FAM222B: variants seen among roughly 807,000 people sequenced by gnomAD.
FAM222B encodes protein FAM222B.
Under a neutral mutation model 38.0 loss-of-function variants are expected in FAM222B, and 12 were observed. The observed-to-expected ratio is 0.32, with a 90% confidence interval of 0.20 to 0.51. The LOEUF is 0.51. FAM222B is among the 20% of genes least tolerant of loss of function. The probability of loss-of-function intolerance (pLI) is 0.97; values close to 1 mark genes in which losing one functional copy is unlikely to be tolerated. For missense variants in FAM222B, 716 were observed against 754.2 expected (o/e 0.95, Z 0.59); for synonymous variants, 329 against 317.2 (o/e 1.04, Z -0.40).
chr17:28,805,527 T>C (rs1398691166), intron 1 of FAM222B, among the ~76,000 whole-genome samples: 1 of 151,022 alleles, frequency 6.6e-6, no homozygotes, highest in Non-Finnish European at 1.5e-5. Flanking sequence ...AGAGCAAGCC[T>C]CCCATCTCAA....
At position 28,814,907 on chromosome 17, in the gene FAM222B, G is replaced by A. The variant is rs541869337; in HGVS notation, c.-41+27775C>T. ...TCCTGCCTCAGCTTCCCGAGTAGCT[G>A]GGATTACAGGCACGAGCCACCGTGC... is the stretch of plus-strand genomic sequence containing the variant. On this transcript the variant is annotated intron_variant, in intron 1 of 2. Transcript: ENST00000581407. Among the ~76,000 whole-genome samples, 4 of 151,448 alleles carry A rather than the reference G, an allele frequency of 2.6e-5. No individual in the cohort carries two copies. The East Asian group carries it at 7.9e-4, about 30-fold the overall frequency.
intron 1 of FAM222B, among the ~76,000 whole-genome samples, chr17:28,805,396 G>A (rs1341426717): frequency 6.6e-6 from 1 of 152,128 alleles, no homozygotes; most frequent in Non-Finnish European, 1.5e-5. Flanking sequence ...TTAGCCTGGT[G>A]TGGTGGTACA....
At chr17:28,847,927 A>G (rs1022251671) in intron 1 of FAM222B, among the ~76,000 whole-genome samples, 1 of 149,768 alleles carries the variant, frequency 6.7e-6, no homozygotes, top group African/African-American at 2.5e-5. Flanking sequence ...AAAAAAAAAA[A>G]GAAAAGAAAA....
At chr17:28,767,329 T>C (rs1408688243) in intron 1 of FAM222B, among the ~76,000 whole-genome samples, 14 of 152,138 alleles carry the variant, frequency 9.2e-5, no homozygotes, top group Non-Finnish European at 8.8e-5. Context: ...CTAATTTCTT[T>C]GTATTTTTAG....
At chr17:28,772,573 CAA>C (rs111471814) in intron 1 of FAM222B, among the ~76,000 whole-genome samples, 54 of 93,020 alleles carry the variant, frequency 5.8e-4, no homozygotes, top group African/African-American at 1.4e-3. Context: ...AAAAAAAATA[CAA>C]AAAAAAAAAA....
chr17:28,765,241 C>T (rs1314301261), intron 2 of FAM222B, among the ~76,000 whole-genome samples: 1 of 152,326 alleles, frequency 6.6e-6, no homozygotes, highest in African/African-American at 2.4e-5. Flanking sequence ...CCATTTTTAA[C>T]TTCTGATGAT....
intron 1 of FAM222B, among the ~76,000 whole-genome samples, chr17:28,828,721 T>A (rs1205823880): frequency 6.6e-6 from 1 of 152,178 alleles, no homozygotes; most frequent in Admixed American, 6.6e-5. Flanking sequence ...GAATTACATT[T>A]CTGGAATTAG....
At chr17:28,815,512 C>T (rs1156435162) in intron 1 of FAM222B, among the ~76,000 whole-genome samples, 2 of 151,558 alleles carry the variant, frequency 1.3e-5, no homozygotes, top group African/African-American at 2.4e-5. Context: ...CCGTGCCCGG[C>T]CTTTATTACA....
At chr17:28,824,873 C>T (rs181721385) in intron 1 of FAM222B, among the ~76,000 whole-genome samples, 29 of 152,266 alleles carry the variant, frequency 1.9e-4, no homozygotes, top group African/African-American at 6.7e-4. Flanking sequence ...TCAAGCAATT[C>T]TCCTGCCTCA....
At chr17:28,797,794 G>A (rs898584735) in intron 1 of FAM222B, among the ~76,000 whole-genome samples, 6 of 152,104 alleles carry the variant, frequency 3.9e-5, no homozygotes, top group East Asian at 3.9e-4. Flanking sequence ...CAGCCATCAC[G>A]GATCATGCCT....
intron 2 of FAM222B, among the ~76,000 whole-genome samples, chr17:28,765,397 T>C (rs1047784246): frequency 2.0e-5 from 3 of 152,156 alleles, no homozygotes; most frequent in African/African-American, 4.8e-5. Context: ...CAGAGTTGAG[T>C]AGATGCAACA....
chr17:28,758,632 C>T lies in FAM222B; in HGVS notation c.1327G>A (p.Ala443Thr). 1 of 1,611,634 alleles carries T rather than the reference C, an allele frequency of 6.2e-7. No homozygotes were observed. ...PPVNGMAAPL[A>T]YPNGHYFQPL... Reference sequence around the variant, plus strand: ...TGGAAGTAGTGACCATTGGGGTAGGCCAATGGGGCTGCCATGCCGTTGACT... The same window carrying T: ...TGGAAGTAGTGACCATTGGGGTAGGTCAATGGGGCTGCCATGCCGTTGACT... The change falls in exon 3 of 3, where the codon GCC becomes ACC. Residue 443 changes from alanine (A) to threonine (T), a missense_variant. Coordinates refer to ENST00000581407, the MANE Select transcript of FAM222B (RefSeq NM_001077498.3).
chr17:28,765,328 A>C (rs990618972), intron 2 of FAM222B, among the ~76,000 whole-genome samples: 33 of 152,188 alleles, frequency 2.2e-4, no homozygotes, highest in Admixed American at 2.2e-3. Context: ...AAAAAGTTTC[A>C]CTGGAACACA....
chr17:28,768,836 CAAAAAAA>C (rs71359249), intron 1 of FAM222B, among the ~76,000 whole-genome samples: 11 of 70,878 alleles, frequency 1.6e-4, no homozygotes, highest in South Asian at 5.3e-4. Context: ...AACTCTGTCT[CAAAAAAA>C]AAAAAAAAAA....
rs973773492 is a variant in FAM222B, at chr17:28,758,741, C to T, written c.1218G>A (p.Lys406=). The change falls in exon 3 of 3, where the codon AAG becomes AAA. Residue 406 remains lysine (K), a synonymous_variant. Coordinates refer to ENST00000581407, the MANE Select transcript of FAM222B (RefSeq NM_001077498.3). The stretch of plus-strand genomic sequence containing the variant: ...AGAGTTCCTGCGGGTAGGCAGGGGC[C>T]TTGCCCACAAAGCCAGGCCCTGCCA... ...RELAGPGFVG[K]APAYPQELCL... The T allele has an allele frequency of 6.3e-7, 1 of 1,578,918 alleles. No individual in the cohort carries two copies. The highest frequency in any genetic ancestry group is 2.3e-5 in the East Asian group (1 of 43,162).
At chr17:28,849,997 C>T (rs1033982809) in intron 1 of FAM222B, among the ~76,000 whole-genome samples, 8 of 152,058 alleles carry the variant, frequency 5.3e-5, no homozygotes, top group Admixed American at 1.3e-4. Context: ...GCAGGAGAAT[C>T]ACTTAGAACC....
At chr17:28,806,101 G>A (rs1452604732) in intron 1 of FAM222B, among the ~76,000 whole-genome samples, 3 of 151,788 alleles carry the variant, frequency 2.0e-5, no homozygotes, top group Non-Finnish European at 2.9e-5. Flanking sequence ...GCAGTGAGCC[G>A]AGATCGCGCC....
chr17:28,780,373 A>C (rs913392625), intron 1 of FAM222B, among the ~76,000 whole-genome samples: 1 of 152,198 alleles, frequency 6.6e-6, no homozygotes, highest in Non-Finnish European at 1.5e-5. Context: ...AGAAAACGCT[A>C]AAGACTCCAA....
chr17:28,800,034 C>CTT (rs35953415), intron 1 of FAM222B, among the ~76,000 whole-genome samples: 2 of 144,808 alleles, frequency 1.4e-5, no homozygotes, highest in Non-Finnish European at 1.5e-5. Flanking sequence ...ATGATACTTT[C>CTT]TTTTTTTTTT....
Sources: allele counts gnomAD v4.1 joint callset (sites outside exome capture counted in the v4.1 genomes callset), GRCh38; gene constraint gnomAD v4.1.1; transcripts MANE v1.5; gene names NCBI Gene and HGNC (gene_info 2026-07-23, HGNC 2026-07-21).